GPR141: variants seen among roughly 807,000 people sequenced by gnomAD.
GPR141 encodes the protein G protein-coupled receptor 141, also known as probable G protein-coupled receptor 141.
In GPR141, 6 loss-of-function variants were observed where a neutral mutation model predicts 6.8. That is an observed-to-expected ratio of 0.88 (90% CI 0.48 to 1.74). The LOEUF (loss-of-function observed/expected upper bound fraction) is 1.74. Among genes scored for constraint, GPR141 ranks in the 40% most tolerant of loss-of-function variants. The probability of loss-of-function intolerance (pLI) is 0.01; values close to 1 mark genes in which losing one functional copy is unlikely to be tolerated. For synonymous variants in GPR141, 140 were observed against 142.3 expected (o/e 0.98, Z 0.11); for missense variants, 372 against 372.9 (o/e 1.00, Z 0.02).
At chr7:37,703,550 T>C (rs1478543779) in intron 2 of GPR141, among the ~76,000 whole-genome samples, 2 of 152,194 alleles carry the variant, frequency 1.3e-5, no homozygotes, top group African/African-American at 4.8e-5. Flanking sequence ...TACAGGAACA[T>C]AGCATAGTTG....
chr7:37,719,601 G>A (rs745531292), intron 2 of GPR141, among the ~76,000 whole-genome samples: 13 of 152,054 alleles, frequency 8.5e-5, no homozygotes, highest in African/African-American at 1.7e-4. Context: ...TGCCACACAC[G>A]TCTGCGAATT....
At chr7:37,729,322 A>G (rs1321240750) in intron 2 of GPR141, among the ~76,000 whole-genome samples, 15 of 152,200 alleles carry the variant, frequency 9.9e-5, no homozygotes, top group Non-Finnish European at 4.4e-5. Context: ...CTCATGTGGA[A>G]CAAGGAGGTC....
chr7:37,726,551 A>G (rs1811636314), intron 2 of GPR141, among the ~76,000 whole-genome samples: 2 of 152,210 alleles, frequency 1.3e-5, no homozygotes, highest in South Asian at 4.1e-4. Flanking sequence ...AATGATAAAG[A>G]GCTCCAATAT....
chr7:37,688,662 G>T (rs1350485376), intron 2 of GPR141, among the ~76,000 whole-genome samples: 2 of 151,996 alleles, frequency 1.3e-5, no homozygotes, highest in Non-Finnish European at 2.9e-5. Flanking sequence ...GTTCTTCTCC[G>T]CACAGGTTAA....
chr7:37,740,733 T>A lies in GPR141; in HGVS notation c.340T>A (p.Tyr114Asn). The change falls in exon 3 of 3, where the codon TAC (tyrosine) becomes AAC (asparagine). Residue 114 changes from tyrosine (Y) to asparagine (N), a missense_variant. By Grantham distance (143) the Tyr-to-Asn change is moderately radical. Transcript: ENST00000334425. The stretch of plus-strand genomic sequence containing the variant: ...CTATGTGGTGATCCTGGTCACCAGA[T>A]ACCTCATCTTCTTCAAGTGCAAAGA... ...LFYVVILVTR[Y>N]LIFFKCKDKV... is the part of the protein sequence containing the mutation. 6.2e-7 allele frequency: 1 copy of A among 1,614,156 alleles called. No homozygotes were observed. Among genetic ancestry groups the A allele is most frequent in the Non-Finnish European group, 8.5e-7 (1 of 1,179,980 alleles).
At chr7:37,697,245 G>C (rs1810061377) in intron 2 of GPR141, among the ~76,000 whole-genome samples, 1 of 151,918 alleles carries the variant, frequency 6.6e-6, no homozygotes, top group Admixed American at 6.5e-5. Flanking sequence ...TTTCTTCACA[G>C]GAACAGATCT....
intron 2 of GPR141, among the ~76,000 whole-genome samples, chr7:37,730,487 C>T (rs562892155): frequency 6.6e-6 from 1 of 152,346 alleles, no homozygotes; most frequent in African/African-American, 2.4e-5. Context: ...AAGCTGGCAT[C>T]CAGGAAAACA....
At chr7:37,725,390 A>G (rs1811575662) in intron 2 of GPR141, among the ~76,000 whole-genome samples, 1 of 152,150 alleles carries the variant, frequency 6.6e-6, no homozygotes, top group South Asian at 2.1e-4. Context: ...CAGAGGGACC[A>G]GGCCTGCGAA....
At chr7:37,697,227 C>T (rs1288836215) in intron 2 of GPR141, among the ~76,000 whole-genome samples, 2 of 151,728 alleles carry the variant, frequency 1.3e-5, no homozygotes, top group African/African-American at 4.8e-5. Context: ...ACAAGTTAAG[C>T]GTCAAATTTT....
In GPR141 at chr7:37,741,120, T is replaced by G. The variant is rs1166646769; in HGVS notation, c.727T>G (p.Phe243Val). The G allele has an allele frequency of 1.9e-6, 3 of 1,613,860 alleles. No individual in the cohort carries two copies. The Admixed American group carries it at 5.0e-5, about 27-fold the overall frequency. Residue 243 changes from phenylalanine to valine, a missense_variant, in exon 3 of 3, where the codon TTC becomes GTC. Transcript: ENST00000334425. ...CCTTGTTTGTTTCCTTCCCTACCAG[T>G]TCTTTAGGATCTATTACTTGAATGT... ...VILVCFLPYQ[F>V]FRIYYLNVVT... is the part of the protein sequence containing the mutation.
rs1199887479 is a variant in GPR141, at chr7:37,741,230, T to G, written c.837T>G (p.Asp279Glu). The stretch of plus-strand genomic sequence containing the variant: ...GTGTAACAGCAATTAGCTGCTATGA[T>G]TTGCTTCTCTTTGTCTTTGGGGGAA... ...FLSVTAISCY[D>E]LLLFVFGGSH... Residue 279 changes from aspartate to glutamate, a missense_variant, in exon 3 of 3, where the codon GAT (aspartate) becomes GAG (glutamate). By Grantham distance (45) the Asp-to-Glu change is conservative. Transcript: ENST00000334425. 1 of 1,612,824 alleles carries G rather than the reference T, an allele frequency of 6.2e-7. No individual in the cohort carries two copies. Among genetic ancestry groups the G allele is most frequent in the Non-Finnish European group, 8.5e-7 (1 of 1,178,888 alleles).
Position 37,710,970 on chromosome 7 carries a change from A to G in GPR141, c.-15+25387A>G, listed in dbSNP as rs1017050485. Reference sequence around the variant, plus strand: ...GACTTACCATGTGACCTGGCTTTCAAAATCTTCCTTTATACTCTGCAACAT... The same window carrying G: ...GACTTACCATGTGACCTGGCTTTCAGAATCTTCCTTTATACTCTGCAACAT... On this transcript the variant is annotated intron_variant, in intron 2 of 2. Transcript: ENST00000334425. Among the ~76,000 whole-genome samples, 5 of 152,224 alleles carry G rather than the reference A, an allele frequency of 3.3e-5. No individual in the cohort carries two copies. The South Asian group carries it at 1.0e-3, about 32-fold the overall frequency.
At chr7:37,684,104 G>T (rs1427889779) in intron 1 of GPR141, among the ~76,000 whole-genome samples, 1 of 152,176 alleles carries the variant, frequency 6.6e-6, no homozygotes, top group Non-Finnish European at 1.5e-5. Context: ...TGCTCTGAAA[G>T]TAAAACCTAA....
intron 2 of GPR141, among the ~76,000 whole-genome samples, chr7:37,725,899 C>A (rs760332010): frequency 1.3e-5 from 2 of 151,550 alleles, no homozygotes; most frequent in Non-Finnish European, 2.9e-5. Context: ...TTTTCCTTCT[C>A]ATAATTTGCA....
intron 1 of GPR141, among the ~76,000 whole-genome samples, chr7:37,684,137 A>C (rs2131714952): frequency 1.3e-5 from 2 of 152,330 alleles, no homozygotes; most frequent in South Asian, 2.1e-4. Flanking sequence ...AATGTGAACA[A>C]AAATGATTTC....
At chr7:37,701,186 G>T (rs1298740707) in intron 2 of GPR141, among the ~76,000 whole-genome samples, 2 of 152,150 alleles carry the variant, frequency 1.3e-5, no homozygotes, top group Non-Finnish European at 2.9e-5. Flanking sequence ...GCTTCAAATG[G>T]AATATAGAAG....
intron 2 of GPR141, among the ~76,000 whole-genome samples, chr7:37,727,798 C>T (rs1431725830): frequency 6.6e-6 from 1 of 152,126 alleles, no homozygotes; most frequent in Non-Finnish European, 1.5e-5. Context: ...CAATCTGTTG[C>T]CAAAACAAGC....
intron 2 of GPR141, among the ~76,000 whole-genome samples, chr7:37,729,363 C>T (rs1304638787): frequency 1.3e-5 from 2 of 152,128 alleles, no homozygotes; most frequent in Non-Finnish European, 2.9e-5. Context: ...GCCCTGTCCC[C>T]TGAGAGAGCT....
At chr7:37,721,041 G>T (rs191903191) in intron 2 of GPR141, among the ~76,000 whole-genome samples, 1 of 152,150 alleles carries the variant, frequency 6.6e-6, no homozygotes, top group Non-Finnish European at 1.5e-5. Flanking sequence ...CCACAGCTCC[G>T]AAGGAGAGCA....
Sources: allele counts gnomAD v4.1 joint callset (sites outside exome capture counted in the v4.1 genomes callset), GRCh38; gene constraint gnomAD v4.1.1; transcripts MANE v1.5; gene names NCBI Gene and HGNC (gene_info 2026-07-23, HGNC 2026-07-21).